The following GATM variants were observed in gnomAD, a reference collection of about 807,000 sequenced individuals.
GATM encodes the protein glycine amidinotransferase, mitochondrial.
GATM carries 23 observed loss-of-function variants against 54.2 expected under a neutral mutation model. The observed-to-expected ratio is 0.42, with a 90% CI of 0.31 to 0.60. GATM has a LOEUF of 0.60. Among genes scored for constraint, GATM ranks in the 20% least tolerant of loss-of-function variants. The pLI is 0.14. For synonymous variants in GATM, 168 were observed against 183.1 expected (o/e 0.92, Z 0.67); for missense variants, 401 against 544.9 (o/e 0.74, Z 2.63).
At chr15:45,365,441 A>G (rs1889432074) in intron 6 of GATM, among the ~76,000 whole-genome samples, 1 of 152,246 alleles carries the variant, frequency 6.6e-6, no homozygotes, top group Non-Finnish European at 1.5e-5. Context: ...AAAATAAAAA[A>G]CAGAAATGAA....
rs75565512 is a variant in GATM at position 45,361,514 on chromosome 15, G to T, written c.*595C>A. ...ACATTCATGGAAAATTCACTTTGAT[G>T]TTTTGCATAGTCTAGGTTATTTTTT... On this transcript the variant is annotated 3_prime_UTR_variant, in exon 9 of 9. Coordinates refer to ENST00000396659, the MANE Select transcript of GATM (RefSeq NM_001482.3). 0.019 allele frequency: 2,939 copies of T among 155,120 alleles called. 109 individuals carry two copies. The highest frequency in any genetic ancestry group is 0.068 in the African/African-American group (2,829 of 41,638). 9.6% of individuals were successfully genotyped at this position (155,120 alleles called of 1,614,324 possible).
intron 2 of GATM, among the ~76,000 whole-genome samples, chr15:45,397,639 T>G (rs1319252638): frequency 6.6e-6 from 1 of 152,144 alleles, no homozygotes; most frequent in Non-Finnish European, 1.5e-5. Context: ...AGCCAGTAAA[T>G]GTAAGTAATG....
At chr15:45,401,609 T>C (rs1307530053) in intron 1 of GATM, among the ~76,000 whole-genome samples, 6 of 152,160 alleles carry the variant, frequency 3.9e-5, no homozygotes, top group African/African-American at 1.4e-4. Context: ...ATAACGTAGA[T>C]AGGTATCGCC....
chr15:45,363,052 GTGGA>G (rs1424262603), intron 8 of GATM, among the ~76,000 whole-genome samples: 2 of 152,136 alleles, frequency 1.3e-5, no homozygotes, highest in African/African-American at 4.8e-5. Context: ...GGAGGCATAG[GTGGA>G]TGGATCACTT....
In GATM at chr15:45,378,137, G is replaced by A. The variant is rs1055395; in HGVS notation, c.69+248C>T. 25,817 of 443,960 alleles carry A rather than the reference G, an allele frequency of 0.058. 5,461 individuals are homozygous for A. The highest frequency in any genetic ancestry group is 0.47 in the African/African-American group (22,587 of 47,914). 27.5% of individuals were successfully genotyped at this position (443,960 alleles called of 1,614,324 possible). On this transcript the variant is annotated intron_variant, in intron 1 of 8. Transcript: ENST00000396659. ...GGCCGCGGACGCGCAGACAGCAAGT[G>A]GACCCCAAGGGCTGGAGCCGCAACG...
At chr15:45,373,609 T>C (rs1009268549) in intron 2 of GATM, among the ~76,000 whole-genome samples, 1 of 152,172 alleles carries the variant, frequency 6.6e-6, no homozygotes, top group African/African-American at 2.4e-5. Flanking sequence ...CCAACAATTA[T>C]GTTCCACATT....
intron 2 of GATM, among the ~76,000 whole-genome samples, chr15:45,397,516 G>A (rs1047285803): frequency 1.3e-4 from 20 of 152,130 alleles, no homozygotes; most frequent in Non-Finnish European, 2.8e-4. Context: ...CCTGGAATGT[G>A]GTACATACCA....
At chr15:45,400,606 C>T (rs532211432) in intron 1 of GATM, among the ~76,000 whole-genome samples, 1 of 152,322 alleles carries the variant, frequency 6.6e-6, no homozygotes, top group South Asian at 2.1e-4. Context: ...ATGTAGTTTC[C>T]TTCTCATCAT....
chr15:45,376,306 C>T (rs879890243), intron 2 of GATM, among the ~76,000 whole-genome samples: 4 of 152,162 alleles, frequency 2.6e-5, no homozygotes, highest in Non-Finnish European at 4.4e-5. Flanking sequence ...AAGTAATATT[C>T]TGTTCAACCT....
At chr15:45,372,798 G>A (rs1889564069) in intron 2 of GATM, among the ~76,000 whole-genome samples, 1 of 152,238 alleles carries the variant, frequency 6.6e-6, no homozygotes, top group African/African-American at 2.4e-5. Context: ...ATCTGGCAAA[G>A]GTTGGGCAAA....
Position 45,361,986 on chromosome 15 carries a change from C to T in GATM, c.*123G>A. The T allele has an allele frequency of 1.4e-6, 1 of 702,718 alleles. No individual in the cohort carries two copies. The allele number at this position is 702,718 out of a possible 1,614,324, so 43.5% of individuals were successfully genotyped here. On this transcript the variant is annotated 3_prime_UTR_variant, in exon 9 of 9. Coordinates refer to ENST00000396659, the MANE Select transcript of GATM (RefSeq NM_001482.3). Reference sequence around the variant, plus strand: ...ATAGAAGCAAACCAGGCTTACGACCCCTGTTAAGGAGATGATTGTTTAAAG... The same window carrying T: ...ATAGAAGCAAACCAGGCTTACGACCTCTGTTAAGGAGATGATTGTTTAAAG...
At position 45,364,797 on chromosome 15, in the gene GATM, C is replaced by A; in HGVS notation, c.1042G>T (p.Asp348Tyr). 1 of 1,612,108 alleles carries A rather than the reference C, an allele frequency of 6.2e-7. No individual in the cohort carries two copies. The highest frequency in any genetic ancestry group is 8.5e-7 in the Non-Finnish European group (1 of 1,178,356). Residue 348 changes from aspartate to tyrosine, a missense_variant and splice_region_variant, in exon 7 of 9, where the codon GAT becomes TAT. Physicochemically the swap from Asp to Tyr is radical, Grantham distance 160. Transcript: ENST00000396659. ...ITPPTPIIPD[D>Y]HPLWMSSKWL... ...TAACAGTGTATGAAAGTAAACATAC[C>A]GTCTGGGATGATTGGTGTTGGAGGA...
At position 45,366,083 on chromosome 15, in the gene GATM, C is replaced by T; in HGVS notation, c.941G>A (p.Gly314Asp). The T allele has an allele frequency of 6.2e-7, 1 of 1,614,102 alleles. No homozygotes were observed. Among genetic ancestry groups the T allele is most frequent in the South Asian group, 1.1e-5 (1 of 91,082 alleles). Reference sequence around the variant, plus strand: ...TCGGTCAGGGTTGGAAAGCACAATACCAGGTCCAATGATGTTGAAGGTAGC... The same window carrying T: ...TCGGTCAGGGTTGGAAAGCACAATATCAGGTCCAATGATGTTGAAGGTAGC... ...IDATFNIIGP[G>D]IVLSNPDRPC... is the part of the protein sequence containing the mutation. Residue 314 changes from glycine (G) to aspartate (D), a missense_variant, in exon 6 of 9, where the codon GGT becomes GAT. Transcript: ENST00000396659.
At chr15:45,400,675 G>A (rs917839724) in intron 1 of GATM, among the ~76,000 whole-genome samples, 17 of 152,166 alleles carry the variant, frequency 1.1e-4, no homozygotes, top group African/African-American at 3.4e-4. Context: ...TTTTGAGGCC[G>A]ATTTAACTTT....
intron 1 of GATM, chr15:45,377,540 G>A: frequency 3.1e-6 from 1 of 322,824 alleles, no homozygotes; most frequent in Non-Finnish European, 6.0e-6. Flanking sequence ...AAAATGCATG[G>A]CCTATAAAAT....
chr15:45,380,995 A>C (rs1465232220), upstream of GATM, among the ~76,000 whole-genome samples: 1 of 152,136 alleles, frequency 6.6e-6, no homozygotes, highest in Non-Finnish European at 1.5e-5. Flanking sequence ...ATTTGGTAAC[A>C]ATTTCTAGAG....
At chr15:45,378,931 A>C (rs892029970), upstream of GATM, 1 of 152,558 alleles carries the variant, frequency 6.6e-6, no homozygotes, top group Admixed American at 6.5e-5. Flanking sequence ...ATGCGCACTG[A>C]ACCAGTCACC....
intron 1 of GATM, chr15:45,377,342 C>T: frequency 4.7e-6 from 2 of 425,274 alleles, no homozygotes; most frequent in East Asian, 1.4e-4. Flanking sequence ...GAATAACCAG[C>T]TTCAAATCAA....
intron 2 of GATM, among the ~76,000 whole-genome samples, chr15:45,369,910 C>G (rs1889511777): frequency 6.6e-6 from 1 of 152,118 alleles, no homozygotes; most frequent in Non-Finnish European, 1.5e-5. Context: ...AACACACAAA[C>G]TAGCATAAGA....
Sources: allele counts gnomAD v4.1 joint callset (sites outside exome capture counted in the v4.1 genomes callset), GRCh38; gene constraint gnomAD v4.1.1; transcripts MANE v1.5; gene names NCBI Gene and HGNC (gene_info 2026-07-23, HGNC 2026-07-21).